The following OLFM3 variants were observed in gnomAD, a reference collection of about 807,000 sequenced individuals.
The protein encoded by OLFM3 is noelin-3.
A neutral mutation model predicts 48.6 loss-of-function variants in OLFM3; 20 were observed. The ratio of observed to expected loss-of-function variants is 0.41; its 90% CI spans 0.29 to 0.60. OLFM3 has a LOEUF of 0.60. Among genes scored for constraint, OLFM3 ranks in the 20% least tolerant of loss-of-function variants. The pLI is 0.28. For missense variants in OLFM3, 437 were observed against 544.3 expected, an observed-to-expected ratio of 0.80 and a Z score of 1.96; for synonymous variants, 222 against 198.1, an observed-to-expected ratio of 1.12 and a Z score of -1.01.
chr1:101,869,742 G>A (rs531487081), intron 1 of OLFM3, among the ~76,000 whole-genome samples: 102 of 152,218 alleles, frequency 6.7e-4, no homozygotes, highest in African/African-American at 2.2e-3. Flanking sequence ...AATCATGGGG[G>A]CAGTTTTCCC....
At chr1:101,846,844 C>T in intron 1 of OLFM3, 1 of 1,609,824 alleles carries the variant, frequency 6.2e-7, no homozygotes, top group Non-Finnish European at 8.5e-7. Context: ...CAGTAACTTA[C>T]TAAGGTATCC....
chr1:101,991,026 T>TATATA (rs1661393300), intron 1 of OLFM3, among the ~76,000 whole-genome samples: 1 of 91,534 alleles, frequency 1.1e-5, no homozygotes, highest in South Asian at 3.8e-4. Context: ...AATATATATA[T>TATATA]ATATATATAT....
chr1:101,989,295 C>T (rs1179292322), intron 1 of OLFM3, among the ~76,000 whole-genome samples: 1 of 152,040 alleles, frequency 6.6e-6, no homozygotes, highest in African/African-American at 2.4e-5. Flanking sequence ...TGCTTTACAA[C>T]ACCTTGTTTT....
intron 2 of OLFM3, among the ~76,000 whole-genome samples, chr1:101,833,852 A>T (rs4908190): frequency 0.48 from 73,391 of 152,060 alleles, 18,585 homozygotes; most frequent in Middle Eastern, 0.61. Context: ...ACTGTGTATT[A>T]GAAATCTTCA....
intron 1 of OLFM3, among the ~76,000 whole-genome samples, chr1:101,959,062 G>A (rs35720049): frequency 0.24 from 36,049 of 149,316 alleles, 4,566 homozygotes; most frequent in Middle Eastern, 0.33. Context: ...TTCCCACCCC[G>A]GTCTTAGCCC....
At chr1:101,881,791 T>A (rs1354279253) in intron 1 of OLFM3, among the ~76,000 whole-genome samples, 2 of 151,750 alleles carry the variant, frequency 1.3e-5, no homozygotes, top group African/African-American at 4.8e-5. Context: ...TGATTTTTTT[T>A]TTTTACATTT....
intron 1 of OLFM3, among the ~76,000 whole-genome samples, chr1:101,920,549 A>T (rs1443898460): frequency 6.6e-6 from 1 of 152,226 alleles, no homozygotes; most frequent in Non-Finnish European, 1.5e-5. Context: ...AGAAAATCTG[A>T]TGACAGCAAA....
At position 101,899,911 on chromosome 1, in the gene OLFM3, C is replaced by T. The variant is rs114670827; in HGVS notation, c.70-62886G>A. 8.4e-3 allele frequency among the ~76,000 whole-genome samples: 1,273 copies of T among 152,072 alleles called. 20 individuals carry two copies. Among genetic ancestry groups the T allele is most frequent in the African/African-American group, 0.029 (1,199 of 41,498 alleles). Reference sequence around the variant, plus strand: ...TGTCAGCTCTTTGTTCTAATGTTAGCTTCTTGTAATGTTATTTCTTTGTTC... The same window carrying T: ...TGTCAGCTCTTTGTTCTAATGTTAGTTTCTTGTAATGTTATTTCTTTGTTC... On this transcript the variant is annotated intron_variant, in intron 1 of 5. Transcript: ENST00000370103.
intron 1 of OLFM3, among the ~76,000 whole-genome samples, chr1:101,957,613 A>G (rs1213436518): frequency 2.0e-5 from 3 of 152,072 alleles, no homozygotes; most frequent in Admixed American, 6.6e-5. Context: ...CAGGAATTAA[A>G]TAACTGCTAA....
At chr1:101,841,439 T>A (rs1012290045) in intron 1 of OLFM3, among the ~76,000 whole-genome samples, 1 of 152,334 alleles carries the variant, frequency 6.6e-6, no homozygotes, top group Non-Finnish European at 1.5e-5. Context: ...CTCATACTCT[T>A]TGGATAAATG....
At chr1:101,987,303 A>G (rs1275166098) in intron 1 of OLFM3, among the ~76,000 whole-genome samples, 8 of 152,202 alleles carry the variant, frequency 5.3e-5, no homozygotes, top group African/African-American at 9.6e-5. Flanking sequence ...TTCCTTCTGC[A>G]TAGTCCTTGA....
At chr1:101,996,688 T>C in intron 1 of OLFM3, 60 bp downstream of exon 1, 1 of 1,545,146 alleles carries the variant, frequency 6.5e-7, no homozygotes, top group Non-Finnish European at 8.9e-7. Flanking sequence ...TTTGCATTTC[T>C]GTTAGGTTTG....
At chr1:101,972,423 A>T (rs1352167339) in intron 1 of OLFM3, among the ~76,000 whole-genome samples, 1 of 152,216 alleles carries the variant, frequency 6.6e-6, no homozygotes, top group Non-Finnish European at 1.5e-5. Context: ...TACTTGATCA[A>T]TAGTACTTTC....
chr1:101,974,748 T>TA (rs1660902238), intron 1 of OLFM3, among the ~76,000 whole-genome samples: 2 of 152,106 alleles, frequency 1.3e-5, no homozygotes, highest in Admixed American at 6.6e-5. Context: ...AAATACTAGA[T>TA]AGTTTTGACA....
intron 1 of OLFM3, among the ~76,000 whole-genome samples, chr1:101,983,213 C>T (rs1360669122): frequency 6.6e-6 from 1 of 152,196 alleles, no homozygotes; most frequent in Non-Finnish European, 1.5e-5. Flanking sequence ...TCTTCAGTAG[C>T]TCTTCAGTGC....
intron 3 of OLFM3, among the ~76,000 whole-genome samples, chr1:101,829,395 T>C (rs1245416236): frequency 6.6e-6 from 1 of 152,226 alleles, no homozygotes; most frequent in East Asian, 1.9e-4. Context: ...CAGTCCCCTC[T>C]CTTTTCAATA....
At position 101,847,742 on chromosome 1, in the gene OLFM3, T is replaced by A. The variant is rs147390741; in HGVS notation, c.70-10717A>T. ...TTTTGAGAATGAAGGCTTTGCTTCG[T>A]AGGTGTTCAGTCACACAGGAAACTC... On this transcript the variant is annotated intron_variant, in intron 1 of 5. Coordinates refer to ENST00000370103, the MANE Select transcript of OLFM3 (RefSeq NM_058170.4). Among the ~76,000 whole-genome samples, 132 of 152,308 alleles carry A rather than the reference T, an allele frequency of 8.7e-4. 2 individuals are homozygous for A. In the East Asian group the frequency reaches 0.025, roughly 28 times the overall value.
chr1:101,977,046 T>C (rs1373634833), intron 1 of OLFM3, among the ~76,000 whole-genome samples: 1 of 152,166 alleles, frequency 6.6e-6, no homozygotes, highest in East Asian at 1.9e-4. Flanking sequence ...AATTAGGTGA[T>C]AGTAAACTAG....
At chr1:101,911,115 T>C (rs1658746934) in intron 1 of OLFM3, among the ~76,000 whole-genome samples, 1 of 152,172 alleles carries the variant, frequency 6.6e-6, no homozygotes, top group Non-Finnish European at 1.5e-5. Context: ...CCATCATAAA[T>C]CTAGTCATTG....
Sources: gnomAD v4.1 joint callset for allele counts (sites outside exome capture counted in the v4.1 genomes callset) on GRCh38, gnomAD v4.1.1 for gene constraint, MANE v1.5 for transcripts, NCBI Gene and HGNC (gene_info 2026-07-23, HGNC 2026-07-21) for gene names.